Variants in CARF observed in about 807,000 individuals in gnomAD.
CARF encodes the protein calcium-responsive transcription factor.
Under a neutral mutation model 82.0 loss-of-function variants are expected in CARF, and 57 were observed. The ratio of observed to expected loss-of-function variants is 0.70; its 90% CI spans 0.56 to 0.87. The LOEUF is 0.87. CARF is among the 40% of genes least tolerant of loss of function. CARF has a pLI of 0.00. For missense variants in CARF, 771 were observed against 855.8 expected (o/e 0.90, Z 1.24); for synonymous variants, 268 against 290.1 (o/e 0.92, Z 0.77).
chr2:202,941,576 A>G (rs781205838), intron 3 of CARF, among the ~76,000 whole-genome samples: 1 of 152,206 alleles, frequency 6.6e-6, no homozygotes, highest in Non-Finnish European at 1.5e-5. Flanking sequence ...AGGGTATACC[A>G]GTACCTTGTC....
At chr2:202,954,728 G>C (rs2058949754) in intron 7 of CARF, among the ~76,000 whole-genome samples, 1 of 136,204 alleles carries the variant, frequency 7.3e-6, no homozygotes, top group Non-Finnish European at 1.6e-5. Context: ...AAAAAAAAAA[G>C]ACTGGGCACA....
In CARF at chr2:202,969,937, A is replaced by G; in HGVS notation, c.972A>G (p.Val324=). The G allele has an allele frequency of 6.6e-7, 1 of 1,524,398 alleles. No individual in the cohort carries two copies. The allele number at this position is 1,524,398 out of a possible 1,614,324, so 94.4% of individuals were successfully genotyped here. A position where few individuals can be genotyped will look rare whatever the true frequency, so the allele number is the denominator to read the frequency against. ...TATAAAGGATTTACATTAAAAAGGT[A>G]CAGAAGTTTCCTGAATATAGAGTTC... is the stretch of plus-strand genomic sequence containing the variant. ...TCPARIYIKK[V]QKFPEYRVPT... is the part of the protein sequence containing the mutation. The change falls in exon 11 of 17, where the codon GTA becomes GTG. Residue 324 remains valine, a synonymous_variant. Coordinates refer to ENST00000438828, the MANE Select transcript of CARF (RefSeq NM_024744.17).
In CARF at chr2:202,920,177, C is replaced by T. The variant is rs138699501; in HGVS notation, c.-163+2134C>T. Among the ~76,000 whole-genome samples, 261 of 145,870 alleles carry T rather than the reference C, an allele frequency of 1.8e-3. 9 individuals are homozygous for T. The East Asian group carries it at 0.049, about 27-fold the overall frequency. Reference sequence around the variant, plus strand: ...ATAATCTTTTTTTTTTTTTTTGAGACGGGGTCTCGCTCTGTCGCCCAGGCT... The same window carrying T: ...ATAATCTTTTTTTTTTTTTTTGAGATGGGGTCTCGCTCTGTCGCCCAGGCT... On this transcript the variant is annotated intron_variant, in intron 2 of 16. Coordinates refer to ENST00000438828, the MANE Select transcript of CARF (RefSeq NM_024744.17).
rs1208445447 is a variant in CARF at position 202,985,123 on chromosome 2, C to G, written c.*1499C>G. ...AATTGTCAGGAAATTAACCTAAAGG[C>G]TTTTGTTTCTCCAGAGACCATTTGT... On this transcript the variant is annotated 3_prime_UTR_variant, in exon 17 of 17. Coordinates refer to ENST00000438828, the MANE Select transcript of CARF (RefSeq NM_024744.17). The G allele has an allele frequency of 6.6e-6, 1 of 151,316 alleles. No homozygotes were observed. 9.4% of individuals were successfully genotyped at this position (151,316 alleles called of 1,614,324 possible).
At position 202,955,649 on chromosome 2, in the gene CARF, T is replaced by C. The variant is rs1172385901; in HGVS notation, c.558-25T>C. The C allele has an allele frequency of 1.9e-6, 3 of 1,550,422 alleles. No homozygotes were observed. In the African/African-American group the frequency reaches 4.1e-5, roughly 21 times the overall value. The stretch of plus-strand genomic sequence containing the variant: ...TTGTGTGTTCATTGAACTGCATATT[T>C]ATATATATTCCTCTCCTATCCCAGA... On this transcript the variant is annotated intron_variant, in intron 7 of 16. Coordinates refer to ENST00000438828, the MANE Select transcript of CARF (RefSeq NM_024744.17).
chr2:202,966,516 A>T (rs1236448157), intron 9 of CARF, among the ~76,000 whole-genome samples: 1 of 152,186 alleles, frequency 6.6e-6, no homozygotes, highest in African/African-American at 2.4e-5. Context: ...GTTCAAAACC[A>T]GCCTGGACAA....
chr2:202,973,835 C>T (rs1187337934), intron 12 of CARF, among the ~76,000 whole-genome samples: 1 of 152,160 alleles, frequency 6.6e-6, no homozygotes, highest in Non-Finnish European at 1.5e-5. Flanking sequence ...CGCCTGTAAT[C>T]CCAGCACTTT....
intron 12 of CARF, among the ~76,000 whole-genome samples, chr2:202,972,719 G>A (rs2059847987): frequency 6.8e-6 from 1 of 146,796 alleles, no homozygotes; most frequent in African/African-American, 2.5e-5. Flanking sequence ...CTGAAATTTA[G>A]GCCTAACGCT....
intron 3 of CARF, among the ~76,000 whole-genome samples, chr2:202,934,249 A>C (rs562980152): frequency 5.3e-5 from 8 of 152,102 alleles, no homozygotes; most frequent in South Asian, 2.1e-4. Flanking sequence ...TATGGTTCAG[A>C]TCTAGTATTT....
At position 202,925,482 on chromosome 2, in the gene CARF, C is replaced by A. The variant is rs1478279409; in HGVS notation, c.-44+1067C>A. ...GCTGAGCTGAAACTGAAAGCATGTA[C>A]AAGGAGTATTAGGAATATGATCAAG... On this transcript the variant is annotated intron_variant, in intron 3 of 16. Coordinates refer to ENST00000438828, the MANE Select transcript of CARF (RefSeq NM_024744.17). 5.0e-5 allele frequency: 13 copies of A among 258,504 alleles called. No homozygotes were observed. The Admixed American group carries it at 5.9e-4, about 12-fold the overall frequency. The allele number at this position is 258,504 out of a possible 1,614,324, so 16.0% of individuals were successfully genotyped here.
At chr2:202,951,896 G>A (rs1178267249) in intron 5 of CARF, among the ~76,000 whole-genome samples, 3 of 151,150 alleles carry the variant, frequency 2.0e-5, no homozygotes, top group South Asian at 2.1e-4. Context: ...ATAGTGGCGC[G>A]ATCTCGGCTC....
intron 12 of CARF, among the ~76,000 whole-genome samples, 175 bp downstream of exon 12, chr2:202,971,913 G>A (rs1367269115): frequency 6.6e-6 from 1 of 151,994 alleles, no homozygotes; most frequent in Non-Finnish European, 1.5e-5. Flanking sequence ...TCTAACAAAT[G>A]CTTGGCAAGC....
chr2:202,947,271 ATATACCATGGAACAC>A (rs1559224077), intron 5 of CARF, among the ~76,000 whole-genome samples: 1 of 152,232 alleles, frequency 6.6e-6, no homozygotes, highest in Non-Finnish European at 1.5e-5. Context: ...TGTGGCACAT[ATATACCATGGAACAC>A]TATGTAGCCA....
chr2:202,982,378 CG>C lies in CARF; in HGVS notation c.1998del (p.Ile667PhefsTer14). On this transcript the variant is annotated frameshift_variant, in exon 16 of 17. Coordinates refer to ENST00000438828, the MANE Select transcript of CARF (RefSeq NM_024744.17). LOFTEE classifies it high-confidence loss of function. Reference protein sequence around the residue: ...DTGNLEGTVHRILLGDVQTIP... With the variant: ...DTGNLEGTVHXILLGDVQTIP... ...AGGGAATCTGGAAGGAACTGTTCAT[CG>C]GATTCTGTTGGGAGATGTGCAGACT... The C allele has an allele frequency of 6.2e-7, 1 of 1,614,080 alleles. No individual in the cohort carries two copies. Among genetic ancestry groups the C allele is most frequent in the Non-Finnish European group, 8.5e-7 (1 of 1,179,992 alleles).
intron 6 of CARF, among the ~76,000 whole-genome samples, chr2:202,953,513 T>TTTTTTTC: frequency 6.8e-6 from 1 of 147,830 alleles, no homozygotes; most frequent in Non-Finnish European, 1.5e-5. Flanking sequence ...TTTTTTTTTT[T>TTTTTTTC]TTTTGCTTTC....
chr2:202,941,530 A>G (rs2058229794), intron 3 of CARF, among the ~76,000 whole-genome samples: 1 of 152,162 alleles, frequency 6.6e-6, no homozygotes. Context: ...TGTGCATTAA[A>G]TCTCTGGTAA....
Position 202,922,525 on chromosome 2 carries a change from A to C in CARF, c.-162-1772A>C, listed in dbSNP as rs930539657. 3.9e-5 allele frequency among the ~76,000 whole-genome samples: 6 copies of C among 152,210 alleles called. 1 individual carries two copies. The highest frequency in any genetic ancestry group is 3.9e-4 in the Admixed American group (6 of 15,272). On this transcript the variant is annotated intron_variant, in intron 2 of 16. Transcript: ENST00000438828. ...GAAAGAAATAAAGAGCATTTAGGCC[A>C]GTTGCTATGCCTCACGCCTATAATC...
intron 8 of CARF, among the ~76,000 whole-genome samples, chr2:202,959,832 A>C (rs543373975): frequency 6.6e-6 from 1 of 152,094 alleles, no homozygotes; most frequent in Non-Finnish European, 1.5e-5. Context: ...AAAAAAAAGA[A>C]AAGAAAAAGT....
At chr2:202,966,263 C>T (rs959417789) in intron 9 of CARF, among the ~76,000 whole-genome samples, 5 of 152,120 alleles carry the variant, frequency 3.3e-5, no homozygotes, top group African/African-American at 2.4e-5. Context: ...TGCTAGAAGG[C>T]ATGGATTACT....
Sources: gnomAD v4.1 joint callset for allele counts (sites outside exome capture counted in the v4.1 genomes callset) on GRCh38, gnomAD v4.1.1 for gene constraint, MANE v1.5 for transcripts, NCBI Gene and HGNC (gene_info 2026-07-23, HGNC 2026-07-21) for gene names.